DDX10: variants seen among roughly 807,000 people sequenced by gnomAD.
DDX10 encodes probable ATP-dependent RNA helicase DDX10.
Under a neutral mutation model 104.3 loss-of-function variants are expected in DDX10, and 74 were observed. The ratio of observed to expected loss-of-function variants is 0.71; its 90% CI spans 0.59 to 0.86. The LOEUF (loss-of-function observed/expected upper bound fraction) is 0.86. Among genes scored for constraint, DDX10 ranks in the 40% least tolerant of loss-of-function variants. DDX10 has a pLI of 0.00. For synonymous variants in DDX10, 351 were observed against 353.4 expected (o/e 0.99, Z 0.08); for missense variants, 952 against 1,040.0 (o/e 0.92, Z 1.16).
At chr11:108,800,463 G>C in intron 13 of DDX10, among the ~76,000 whole-genome samples, 1 of 63,406 alleles carries the variant, frequency 1.6e-5, no homozygotes, top group African/African-American at 5.2e-5. Flanking sequence ...AAAAAAAAAA[G>C]AACATCTTAA....
intron 10 of DDX10, among the ~76,000 whole-genome samples, chr11:108,714,644 C>G (rs1318254638): frequency 6.6e-6 from 1 of 151,554 alleles, no homozygotes; most frequent in Admixed American, 6.6e-5. Context: ...AATGAAATCT[C>G]TTGGATGGAA....
intron 4 of DDX10, among the ~76,000 whole-genome samples, chr11:108,677,794 G>A (rs1412565170): frequency 6.6e-6 from 1 of 151,246 alleles, no homozygotes; most frequent in Admixed American, 6.6e-5. Flanking sequence ...AGAAAGAATA[G>A]CATCACAAAC....
At chr11:108,690,150 C>G (rs2094250206) in intron 7 of DDX10, 1 of 152,128 alleles carries the variant, frequency 6.6e-6, no homozygotes, top group Non-Finnish European at 1.5e-5. Context: ...GGAAGTGTAT[C>G]CTGAGCAGTA....
intron 16 of DDX10, among the ~76,000 whole-genome samples, chr11:108,902,838 A>G (rs907203933): frequency 2.0e-5 from 3 of 152,156 alleles, no homozygotes; most frequent in African/African-American, 7.2e-5. Context: ...ACATTATTAA[A>G]TAATCCTTTC....
At chr11:108,784,559 G>A (rs898114599) in intron 13 of DDX10, among the ~76,000 whole-genome samples, 8 of 151,898 alleles carry the variant, frequency 5.3e-5, no homozygotes, top group African/African-American at 1.2e-4. Flanking sequence ...TTTGCTTGTC[G>A]TTTTAAGTTC....
At chr11:108,877,446 G>T (rs576999954) in intron 16 of DDX10, among the ~76,000 whole-genome samples, 4 of 152,230 alleles carry the variant, frequency 2.6e-5, no homozygotes, top group African/African-American at 9.6e-5. Context: ...GATTCCAGAA[G>T]TGTTATATCC....
At chr11:108,874,099 A>G (rs918941447) in intron 16 of DDX10, among the ~76,000 whole-genome samples, 1 of 152,226 alleles carries the variant, frequency 6.6e-6, no homozygotes, top group Non-Finnish European at 1.5e-5. Context: ...AGTAGAAAAA[A>G]CAATAATTCT....
At chr11:108,939,652 A>G (rs892829087) in intron 17 of DDX10, among the ~76,000 whole-genome samples, 7 of 152,156 alleles carry the variant, frequency 4.6e-5, no homozygotes, top group African/African-American at 1.4e-4. Context: ...TTTATGGTCT[A>G]TGTCTTGAGT....
chr11:108,856,950 A>G (rs1307039040), intron 16 of DDX10, among the ~76,000 whole-genome samples: 5 of 147,526 alleles, frequency 3.4e-5, no homozygotes, highest in Non-Finnish European at 7.4e-5. Flanking sequence ...TCCTCTTTAC[A>G]TTTTGAACTT....
At chr11:108,720,785 GT>G (rs1195500483) in intron 12 of DDX10, among the ~76,000 whole-genome samples, 1 of 151,726 alleles carries the variant, frequency 6.6e-6, no homozygotes, top group Admixed American at 6.6e-5. Flanking sequence ...TAGAGATAGG[GT>G]TTCGCCATGT....
intron 16 of DDX10, among the ~76,000 whole-genome samples, chr11:108,858,361 T>C (rs183393175): frequency 4.6e-4 from 70 of 152,278 alleles, no homozygotes; most frequent in Non-Finnish European, 7.9e-4. Flanking sequence ...GTTTTTTTCA[T>C]GGATGGCACA....
intron 17 of DDX10, among the ~76,000 whole-genome samples, chr11:108,934,377 A>G (rs764904748): frequency 6.6e-6 from 1 of 152,156 alleles, no homozygotes; most frequent in African/African-American, 2.4e-5. Context: ...GCAGGTAGAA[A>G]CATCCAGGAG....
At chr11:108,882,861 G>A (rs1293533010) in intron 16 of DDX10, among the ~76,000 whole-genome samples, 1 of 152,128 alleles carries the variant, frequency 6.6e-6, no homozygotes, top group Non-Finnish European at 1.5e-5. Context: ...ATGACCTTGA[G>A]CAAATCATTT....
chr11:108,730,307 T>C (rs570210286), intron 13 of DDX10, among the ~76,000 whole-genome samples: 7 of 152,280 alleles, frequency 4.6e-5, no homozygotes, highest in African/African-American at 7.2e-5. Flanking sequence ...CCTAGACAGG[T>C]TTTCCCTTAT....
intron 13 of DDX10, among the ~76,000 whole-genome samples, chr11:108,819,469 C>G (rs1201930446): frequency 6.6e-6 from 1 of 152,132 alleles, no homozygotes; most frequent in South Asian, 2.1e-4. Context: ...AAAGTAAAAA[C>G]AGTTTTCCGT....
At chr11:108,939,100 C>T (rs1207230061) in intron 17 of DDX10, among the ~76,000 whole-genome samples, 1 of 152,152 alleles carries the variant, frequency 6.6e-6, no homozygotes, top group Admixed American at 6.5e-5. Context: ...TCATTTAATT[C>T]TCACAATTTT....
chr11:108,728,617 C>A (rs910005036), intron 13 of DDX10, among the ~76,000 whole-genome samples: 3 of 150,250 alleles, frequency 2.0e-5, no homozygotes, highest in Non-Finnish European at 4.4e-5. Flanking sequence ...CAGGCCCAAG[C>A]GATTCTTCTG....
Position 108,841,371 on chromosome 11 carries a change from T to A in DDX10, c.2142T>A (p.Asp714Glu), listed in dbSNP as rs372007015. The change falls in exon 15 of 18, where the codon GAT (aspartate) becomes GAA (glutamate). Residue 714 changes from aspartate to glutamate, a missense_variant. Asp to Glu is a conservative substitution (Grantham distance 45). Around this residue, in one of 3 missense-constraint regions of DDX10, gnomAD observed 533 missense variants for 534.1 expected, o/e 1.00. Coordinates refer to ENST00000322536, the MANE Select transcript of DDX10 (RefSeq NM_004398.4). ...CTGCCATCAAGGATGCTGAGGAAGA[T>A]GATGACACAGGTGGTATCAACTTAC... The part of the protein sequence containing the change: ...QKSAIKDAEE[D>E]DDTGGINLHK... 7 of 1,613,602 alleles carry A rather than the reference T, an allele frequency of 4.3e-6. No homozygotes were observed. In the African/African-American group the frequency reaches 8.0e-5, roughly 18 times the overall value.
chr11:108,699,014 C>T (rs555785002), intron 9 of DDX10, among the ~76,000 whole-genome samples: 1 of 152,214 alleles, frequency 6.6e-6, no homozygotes, highest in Non-Finnish European at 1.5e-5. Context: ...ACATTCCTTT[C>T]TCCAAAGTCC....
Sources: gnomAD v4.1 joint callset for allele counts (sites outside exome capture counted in the v4.1 genomes callset) on GRCh38, gnomAD v4.1.1 for gene constraint, gnomAD v4.1.1 regional missense constraint, MANE v1.5 for transcripts, NCBI Gene and HGNC (gene_info 2026-07-23, HGNC 2026-07-21) for gene names.